Variants in UBASH3B observed in about 807,000 individuals in gnomAD.
UBASH3B encodes ubiquitin associated and SH3 domain containing B, also known as ubiquitin-associated and SH3 domain-containing protein B.
A neutral mutation model predicts 83.4 loss-of-function variants in UBASH3B; 37 were observed. The observed-to-expected ratio is 0.44, with a 90% CI of 0.34 to 0.58. The LOEUF (loss-of-function observed/expected upper bound fraction) is 0.58, where lower values mean the gene tolerates loss of function less well. Among genes scored for constraint, UBASH3B ranks in the 20% least tolerant of loss-of-function variants. UBASH3B has a pLI of 0.01. For missense variants in UBASH3B, 657 were observed against 827.2 expected (o/e 0.79, Z 2.52); for synonymous variants, 304 against 318.3 (o/e 0.96, Z 0.48).
intron 1 of UBASH3B, among the ~76,000 whole-genome samples, chr11:122,691,355 C>A (rs959616012): frequency 3.9e-5 from 6 of 152,182 alleles, no homozygotes; most frequent in African/African-American, 1.4e-4. Flanking sequence ...TCACTCTTTT[C>A]TGGACAAATC....
In UBASH3B at chr11:122,758,464, A is replaced by G. The variant is rs1349784352; in HGVS notation, c.162-17755A>G. On this transcript the variant is annotated intron_variant, in intron 1 of 13. Coordinates refer to ENST00000284273, the MANE Select transcript of UBASH3B (RefSeq NM_032873.5). The surrounding 1 kb of genome is among the most constrained non-coding windows in gnomAD (Gnocchi z 4.2). ...AAAAGATTCCCTCCAGGAGCTTCCC[A>G]GACAGGCCTAGCCTGCTTAGAGTCG... Among the ~76,000 whole-genome samples, 1 of 152,214 alleles carries G rather than the reference A, an allele frequency of 6.6e-6. No individual in the cohort carries two copies. Among genetic ancestry groups the G allele is most frequent in the Non-Finnish European group, 1.5e-5 (1 of 68,042 alleles).
intron 1 of UBASH3B, among the ~76,000 whole-genome samples, chr11:122,656,920 G>T (rs1364289420): frequency 6.6e-6 from 1 of 152,226 alleles, no homozygotes; most frequent in Non-Finnish European, 1.5e-5. Flanking sequence ...CTAGGAGAGT[G>T]GGGTAGGGGA....
At chr11:122,669,794 A>G (rs1447104220) in intron 1 of UBASH3B, among the ~76,000 whole-genome samples, 1 of 152,234 alleles carries the variant, frequency 6.6e-6, no homozygotes, top group Non-Finnish European at 1.5e-5. Flanking sequence ...CATTTTACAG[A>G]TAAGAAAACT....
At chr11:122,711,544 T>G (rs1864191795) in intron 1 of UBASH3B, among the ~76,000 whole-genome samples, 1 of 152,216 alleles carries the variant, frequency 6.6e-6, no homozygotes, top group Admixed American at 6.5e-5. Flanking sequence ...TTAAGTGCCT[T>G]GCAAGGACAT....
rs139562630 is a variant in UBASH3B at position 122,688,635 on chromosome 11, A to C, written c.161+32425A>C. ...CTAATTTTTTTCTTTCTTTTATTTT[A>C]TTTTATTTTATTTTATTTTATTTTT... On this transcript the variant is annotated intron_variant, in intron 1 of 13. Transcript: ENST00000284273. 2.7e-3 allele frequency among the ~76,000 whole-genome samples: 186 copies of C among 69,794 alleles called. 3 individuals carry two copies. The highest frequency in any genetic ancestry group is 5.6e-3 in the African/African-American group (147 of 26,076). 45.8% of individuals were successfully genotyped at this position (69,794 alleles called of 152,430 possible).
At chr11:122,754,576 G>A (rs1244052699) in intron 1 of UBASH3B, among the ~76,000 whole-genome samples, 1 of 152,206 alleles carries the variant, frequency 6.6e-6, no homozygotes, top group African/African-American at 2.4e-5. Context: ...TGCATTGGGT[G>A]TTGTGAGTGT....
At chr11:122,790,803 C>T (rs1187726039) in intron 6 of UBASH3B, among the ~76,000 whole-genome samples, 1 of 151,772 alleles carries the variant, frequency 6.6e-6, no homozygotes. Flanking sequence ...AAAAAAAAAT[C>T]AGCTGGGCGT....
chr11:122,686,289 G>C (rs1265107111), intron 1 of UBASH3B, among the ~76,000 whole-genome samples: 1 of 152,228 alleles, frequency 6.6e-6, no homozygotes. Flanking sequence ...TCATGTCGAG[G>C]AAGAGACAAA....
At chr11:122,771,653 G>A (rs77504693) in intron 1 of UBASH3B, among the ~76,000 whole-genome samples, 464 of 151,420 alleles carry the variant, frequency 3.1e-3, no homozygotes, top group African/African-American at 0.011. Flanking sequence ...AGAGCCTGTG[G>A]GCCAACAAAA....
chr11:122,809,675 C>T, intron 13 of UBASH3B, 74 bp from the exon 14 acceptor site: 2 of 1,519,142 alleles, frequency 1.3e-6, no homozygotes, highest in South Asian at 2.4e-5. Flanking sequence ...ACATGAATAT[C>T]TTTGTATTTA....
At chr11:122,658,162 C>T (rs12418320) in intron 1 of UBASH3B, among the ~76,000 whole-genome samples, 48,777 of 139,190 alleles carry the variant, frequency 0.35, 8,430 homozygotes, top group Non-Finnish European at 0.38. Context: ...GGTTACAGAG[C>T]GAGACTTCAT....
intron 1 of UBASH3B, among the ~76,000 whole-genome samples, chr11:122,730,325 C>T (rs900087431): frequency 7.2e-5 from 11 of 152,126 alleles, no homozygotes; most frequent in African/African-American, 2.4e-4. Flanking sequence ...ATTGCACTCA[C>T]ATTGTGGGGA....
At chr11:122,660,642 A>T (rs1863426861) in intron 1 of UBASH3B, among the ~76,000 whole-genome samples, 1 of 152,190 alleles carries the variant, frequency 6.6e-6, no homozygotes. Flanking sequence ...TTCTGGGGAG[A>T]CAGGCTCTCA....
chr11:122,680,119 C>T (rs907732903), intron 1 of UBASH3B, among the ~76,000 whole-genome samples: 16 of 152,176 alleles, frequency 1.1e-4, no homozygotes, highest in Non-Finnish European at 2.1e-4. Context: ...GCGTGAGCCA[C>T]CATGCCCAAC....
chr11:122,683,306 CTG>C (rs1404011036), intron 1 of UBASH3B, among the ~76,000 whole-genome samples: 1 of 150,838 alleles, frequency 6.6e-6, no homozygotes, highest in African/African-American at 2.4e-5. Flanking sequence ...CTTTAAAAGA[CTG>C]TGACTATTTA....
intron 1 of UBASH3B, among the ~76,000 whole-genome samples, chr11:122,721,380 G>T (rs560048240): frequency 7.2e-5 from 11 of 152,256 alleles, no homozygotes; most frequent in Non-Finnish European, 1.0e-4. Context: ...CTACGGGGGG[G>T]TGGGAGTGGG....
At chr11:122,793,243 C>T (rs1283776027) in intron 6 of UBASH3B, among the ~76,000 whole-genome samples, 3 of 151,966 alleles carry the variant, frequency 2.0e-5, no homozygotes, top group African/African-American at 4.8e-5. Context: ...ATTAGCCGGG[C>T]GTGGTGACGC....
intron 1 of UBASH3B, among the ~76,000 whole-genome samples, chr11:122,659,809 A>G (rs1863412233): frequency 6.6e-6 from 1 of 152,102 alleles, no homozygotes. Flanking sequence ...GGCCCTTTTG[A>G]CAGAGTGACA....
In UBASH3B at chr11:122,796,386, A is replaced by G. The variant is rs1861157573; in HGVS notation, c.1234+110A>G. The G allele has an allele frequency of 6.7e-6, 10 of 1,495,062 alleles. No individual in the cohort carries two copies. In the South Asian group the frequency reaches 1.2e-4, roughly 18 times the overall value. 92.6% of individuals were successfully genotyped at this position (1,495,062 alleles called of 1,614,324 possible). A position where few individuals can be genotyped will look rare whatever the true frequency, so the allele number is the denominator to read the frequency against. On this transcript the variant is annotated intron_variant, in intron 8 of 13. Transcript: ENST00000284273. ...AGTCATTCATAGTTTTGCGTACTATAGAAGATGTCTGTCATGTGTAAGCCC... is the reference window on the plus strand; with the variant it reads ...AGTCATTCATAGTTTTGCGTACTATGGAAGATGTCTGTCATGTGTAAGCCC...
Sources: allele counts gnomAD v4.1 joint callset (sites outside exome capture counted in the v4.1 genomes callset), GRCh38; gene constraint gnomAD v4.1.1; non-coding constraint Gnocchi (gnomAD v3.1); transcripts MANE v1.5; gene names NCBI Gene and HGNC (gene_info 2026-07-23, HGNC 2026-07-21).